The following FRK variants were observed in gnomAD, a reference collection of about 807,000 sequenced individuals.
The protein encoded by FRK is tyrosine-protein kinase FRK.
In FRK, 51 loss-of-function variants were observed where a neutral mutation model predicts 56.4. The observed-to-expected ratio is 0.90, with a 90% CI of 0.72 to 1.14. FRK has a LOEUF of 1.14. FRK is among the 50% of genes most tolerant of loss of function. The pLI is 0.00. For synonymous variants in FRK, 245 were observed against 217.9 expected (o/e 1.12, Z -1.10); for missense variants, 570 against 601.4 (o/e 0.95, Z 0.55).
intron 4 of FRK, among the ~76,000 whole-genome samples, chr6:115,959,905 T>C (rs1220723121): frequency 6.6e-6 from 1 of 152,174 alleles, no homozygotes; most frequent in Non-Finnish European, 1.5e-5. Context: ...CCCAGTGTTT[T>C]CAGTTCGTGG....
chr6:115,958,708 A>AAGGAAGG (rs1562257450), intron 4 of FRK, among the ~76,000 whole-genome samples: 1 of 12,362 alleles, frequency 8.1e-5, no homozygotes, highest in African/African-American at 3.3e-4. Flanking sequence ...AAGAAAGAAG[A>AAGGAAGG]AAGAAAGAAA....
At chr6:116,039,002 C>T in intron 1 of FRK, 1 of 727,194 alleles carries the variant, frequency 1.4e-6, no homozygotes, top group Non-Finnish European at 2.6e-6. Context: ...CTGGCATGAT[C>T]AAAGACTGCA....
At chr6:116,089,265 G>T in the FRK span, among the ~76,000 whole-genome samples, 1 of 152,140 alleles carries the variant, frequency 6.6e-6, no homozygotes, top group Admixed American at 6.5e-5. Flanking sequence ...TATTGACTGA[G>T]ATATCTTTGC....
intron 1 of FRK, among the ~76,000 whole-genome samples, chr6:116,053,152 G>A (rs568793223): frequency 6.6e-6 from 1 of 152,080 alleles, no homozygotes; most frequent in South Asian, 2.1e-4. Context: ...CATACCATAG[G>A]CTAGGTCAAA....
chr6:115,985,998 G>A lies in FRK; in HGVS notation c.467-17259C>T, dbSNP rs138992408. ...CAGTGATGTTGCCTTTTGGTTGGGGGGGAACAGTTATTTGAGGCTATTTTT... is the reference window on the plus strand; with the variant it reads ...CAGTGATGTTGCCTTTTGGTTGGGGAGGAACAGTTATTTGAGGCTATTTTT... On this transcript the variant is annotated intron_variant, in intron 2 of 7. Coordinates refer to ENST00000606080, the MANE Select transcript of FRK (RefSeq NM_002031.3). 4.1e-4 allele frequency among the ~76,000 whole-genome samples: 57 copies of A among 140,074 alleles called. 2 individuals are homozygous for A. The East Asian group carries it at 0.013, about 32-fold the overall frequency. 91.9% of individuals were successfully genotyped at this position (140,074 alleles called of 152,430 possible).
chr6:115,994,338 C>CCCCT (rs1554230544), intron 2 of FRK, among the ~76,000 whole-genome samples: 89 of 91,762 alleles, frequency 9.7e-4, no homozygotes, highest in Non-Finnish European at 1.7e-3. Context: ...CCCCCCCCGC[C>CCCCT]TTTTTTTTGT....
intron 1 of FRK, among the ~76,000 whole-genome samples, chr6:116,036,249 C>T (rs1377255346): frequency 1.3e-5 from 2 of 152,124 alleles, no homozygotes; most frequent in African/African-American, 2.4e-5. Context: ...TAGTTCCCTC[C>T]ACCTCCATCT....
chr6:116,026,444 G>A (rs1220897956), intron 1 of FRK, among the ~76,000 whole-genome samples: 6 of 144,236 alleles, frequency 4.2e-5, no homozygotes, highest in African/African-American at 1.5e-4. Flanking sequence ...GTTCCTAGAC[G>A]TGACACCAAA....
intron 5 of FRK, among the ~76,000 whole-genome samples, chr6:115,949,751 T>A (rs1772641579): frequency 6.6e-6 from 1 of 152,170 alleles, no homozygotes; most frequent in Admixed American, 6.5e-5. Context: ...ATAACAAAGC[T>A]GGAGGCATCA....
chr6:116,038,454 T>C (rs1776570181), intron 1 of FRK, among the ~76,000 whole-genome samples: 1 of 151,860 alleles, frequency 6.6e-6, no homozygotes. Flanking sequence ...AGGAAGAAAA[T>C]AAGCCAGACT....
Position 116,007,404 on chromosome 6 carries a change from G to A in FRK, c.345-3406C>T, listed in dbSNP as rs1043883670. Among the ~76,000 whole-genome samples the A allele has an allele frequency of 7.2e-5, 11 of 152,266 alleles. No individual in the cohort carries two copies. In the East Asian group the frequency reaches 7.7e-4, roughly 11 times the overall value. ...CAGGGAAGTTTATTAACTTGAGACC[G>A]CATGGAGAGGTGATGGTTGAGTCTG... On this transcript the variant is annotated intron_variant, in intron 1 of 7. Transcript: ENST00000606080.
chr6:116,025,929 C>T (rs908089422), intron 1 of FRK, among the ~76,000 whole-genome samples: 8 of 152,076 alleles, frequency 5.3e-5, no homozygotes, highest in Non-Finnish European at 1.0e-4. Flanking sequence ...CTGAGTTAAA[C>T]TGAGATGAGG....
Position 116,043,900 on chromosome 6 carries a change from G to T in FRK, c.344+16068C>A, listed in dbSNP as rs148067273. On this transcript the variant is annotated intron_variant, in intron 1 of 7. Transcript: ENST00000606080. ...ATTAGACATGAAAAGTGATAAAGGG[G>T]ATATCACCACTGATCCCACAGAAGT... Among the ~76,000 whole-genome samples, 1,407 of 152,200 alleles carry T rather than the reference G, an allele frequency of 9.2e-3. 9 individuals are homozygous for T. Among genetic ancestry groups the T allele is most frequent in the Non-Finnish European group, 0.013 (912 of 67,998 alleles).
At chr6:116,054,641 G>A (rs1396631956) in intron 1 of FRK, among the ~76,000 whole-genome samples, 1 of 149,740 alleles carries the variant, frequency 6.7e-6, no homozygotes, top group Non-Finnish European at 1.5e-5. Flanking sequence ...TTGTCTTAGA[G>A]GAGAGAACCC....
intron 2 of FRK, among the ~76,000 whole-genome samples, chr6:116,000,247 T>TGACAGAA (rs1775008883): frequency 5.6e-5 from 3 of 53,838 alleles, no homozygotes; most frequent in South Asian, 1.1e-3. Flanking sequence ...TTTTTTTTTT[T>TGACAGAA]TTTTTTTTTT....
At chr6:115,974,317 A>T (rs1003672113) in intron 2 of FRK, among the ~76,000 whole-genome samples, 1 of 152,206 alleles carries the variant, frequency 6.6e-6, no homozygotes, top group Admixed American at 6.5e-5. Context: ...GATTTTCTTA[A>T]TAAGAGATGC....
chr6:115,968,126 A>C (rs530741389), intron 3 of FRK, among the ~76,000 whole-genome samples: 2 of 152,314 alleles, frequency 1.3e-5, no homozygotes, highest in South Asian at 4.1e-4. Flanking sequence ...TTTTTGCATA[A>C]TTAAATGTTT....
chr6:116,074,476 G>A, the FRK span, among the ~76,000 whole-genome samples: 6 of 151,982 alleles, frequency 3.9e-5, no homozygotes, highest in Non-Finnish European at 5.9e-5. Flanking sequence ...TTATTTCTTC[G>A]AGTAATCAGA....
At chr6:115,968,853 G>A (rs1773694851) in intron 2 of FRK, 114 bp from the exon 3 acceptor site, 3 of 854,034 alleles carry the variant, frequency 3.5e-6, no homozygotes, top group African/African-American at 1.7e-5. Context: ...AATTATATGT[G>A]TTTCTCAACT....
Sources: allele counts gnomAD v4.1 joint callset (sites outside exome capture counted in the v4.1 genomes callset), GRCh38; gene constraint gnomAD v4.1.1; transcripts MANE v1.5; gene names NCBI Gene and HGNC (gene_info 2026-07-23, HGNC 2026-07-21).